Variants in SSBP3 observed in about 807,000 individuals in gnomAD.
SSBP3 encodes the protein single-stranded DNA-binding protein 3.
A neutral mutation model predicts 69.6 loss-of-function variants in SSBP3; 5 were observed. The ratio of observed to expected loss-of-function variants is 0.07; its 90% CI spans 0.04 to 0.15. The LOEUF is 0.15. Ranked by LOEUF, SSBP3 falls within the 10% of genes least tolerant of loss-of-function variation. SSBP3 has a pLI of 1.00. For missense variants in SSBP3, 312 were observed against 534.0 expected (o/e 0.58, Z 4.10); for synonymous variants, 196 against 193.4 (o/e 1.01, Z -0.11).
chr1:54,372,598 C>T lies in SSBP3; in HGVS notation c.276+29263G>A, dbSNP rs571817536. On this transcript the variant is annotated intron_variant, in intron 4 of 17. Coordinates refer to ENST00000610401, the Ensembl canonical transcript of SSBP3. ...CAATCCTGGCTCAAGTCTGCATCCC[C>T]CTAGTGCCATACCTGTGGCAGGATC... Among the ~76,000 whole-genome samples the T allele has an allele frequency of 2.0e-5, 3 of 152,196 alleles. No individual in the cohort carries two copies. The South Asian group carries it at 6.2e-4, about 31-fold the overall frequency.
At position 54,258,040 on chromosome 1, in the gene SSBP3, G is replaced by T. The variant is rs75395493; in HGVS notation, c.447+29C>A. ...TGCTTCCTCCGCGCCCCGCGTCCCC[G>T]GCGGGCGGGAGCGCCACGGTGCGTT... On this transcript the variant is annotated intron_variant, in intron 6 of 17. Coordinates refer to ENST00000610401, the Ensembl canonical transcript of SSBP3. This position sits in a 1 kb window ranked among gnomAD's most constrained non-coding sequence, Gnocchi z 4.5. 1.3e-6 allele frequency: 2 copies of T among 1,562,746 alleles called. No individual in the cohort carries two copies. The highest frequency in any genetic ancestry group is 1.7e-6 in the Non-Finnish European group (2 of 1,154,172).
chr1:54,240,718 G>A (rs1343247870), intron 13 of SSBP3, among the ~76,000 whole-genome samples, 187 bp downstream of exon 13: 1 of 152,088 alleles, frequency 6.6e-6, no homozygotes, highest in Non-Finnish European at 1.5e-5. Flanking sequence ...TTATGGAGCA[G>A]CATCAGAGGA....
upstream of SSBP3, among the ~76,000 whole-genome samples, chr1:54,407,166 G>A (rs1327555353): frequency 6.6e-6 from 1 of 152,098 alleles, no homozygotes; most frequent in African/African-American, 2.4e-5. Flanking sequence ...GGGGAGGGGG[G>A]CTGGGGACAG....
chr1:54,351,237 C>A (rs1471896309), intron 4 of SSBP3, among the ~76,000 whole-genome samples: 2 of 152,168 alleles, frequency 1.3e-5, no homozygotes, highest in Non-Finnish European at 2.9e-5. Context: ...AAAGTTAGCA[C>A]AAAGTTAGTC....
At chr1:54,338,844 T>C (rs1181268173) in intron 4 of SSBP3, among the ~76,000 whole-genome samples, 1 of 152,202 alleles carries the variant, frequency 6.6e-6, no homozygotes. Flanking sequence ...CCAGCTGCTG[T>C]GAGCCAACAG....
chr1:54,330,240 C>T (rs1646384085), intron 4 of SSBP3, among the ~76,000 whole-genome samples: 1 of 152,136 alleles, frequency 6.6e-6, no homozygotes, highest in Non-Finnish European at 1.5e-5. Flanking sequence ...ACGTGATTAC[C>T]ACCAGCAAGG....
chr1:54,388,406 C>T (rs6690450), intron 4 of SSBP3, among the ~76,000 whole-genome samples: 2 of 152,004 alleles, frequency 1.3e-5, no homozygotes, highest in Non-Finnish European at 2.9e-5. Flanking sequence ...AGAGTGTTAC[C>T]GGGATTAAAT....
chr1:54,268,804 C>T (rs564445681), intron 5 of SSBP3, among the ~76,000 whole-genome samples: 19 of 152,156 alleles, frequency 1.2e-4, no homozygotes, highest in Non-Finnish European at 2.1e-4. Flanking sequence ...TGTGGGAGGT[C>T]GGGCCCACAG....
intron 4 of SSBP3, among the ~76,000 whole-genome samples, chr1:54,286,017 G>T: frequency 6.6e-6 from 1 of 152,256 alleles, no homozygotes; most frequent in East Asian, 1.9e-4. Flanking sequence ...AGGGGAGCTA[G>T]GTCTGGAAAC....
At chr1:54,381,212 G>A (rs767339891) in intron 4 of SSBP3, among the ~76,000 whole-genome samples, 2 of 151,816 alleles carry the variant, frequency 1.3e-5, no homozygotes, top group Non-Finnish European at 2.9e-5. Context: ...GTGAAATTCC[G>A]TCTCTACTAA....
At chr1:54,354,491 G>A (rs1172608357) in intron 4 of SSBP3, among the ~76,000 whole-genome samples, 2 of 152,178 alleles carry the variant, frequency 1.3e-5, no homozygotes. Flanking sequence ...AGAGCCCCAG[G>A]AGGGTACACA....
chr1:54,257,937 A>G, intron 6 of SSBP3, 132 bp downstream of exon 6: 3 of 835,612 alleles, frequency 3.6e-6, no homozygotes, highest in Middle Eastern at 7.7e-4. Context: ...ATTTCTAAAA[A>G]AATTTAATTT....
At chr1:54,283,016 C>T (rs892278621) in intron 4 of SSBP3, among the ~76,000 whole-genome samples, 4 of 152,282 alleles carry the variant, frequency 2.6e-5, no homozygotes, top group Middle Eastern at 6.8e-3. Flanking sequence ...CCTGTAACCC[C>T]GACACTTTGG....
rs983279856 is a variant in SSBP3 at position 54,395,545 on chromosome 1, G to A, written c.276+6316C>T. 3.9e-5 allele frequency among the ~76,000 whole-genome samples: 6 copies of A among 152,324 alleles called. No individual in the cohort carries two copies. The East Asian group carries it at 9.6e-4, about 24-fold the overall frequency. On this transcript the variant is annotated intron_variant, in intron 4 of 17. Coordinates refer to ENST00000610401, the Ensembl canonical transcript of SSBP3. ...ACTGCCAGCTCTGCCCCTTGAGGGG[G>A]TGCAGGGGTGAGACATGACAGCAGG... is the stretch of plus-strand genomic sequence containing the variant.
chr1:54,252,098 G>A (rs1317211047), intron 7 of SSBP3, among the ~76,000 whole-genome samples: 4 of 152,154 alleles, frequency 2.6e-5, no homozygotes, highest in South Asian at 2.1e-4. Flanking sequence ...GGAAACCACC[G>A]CCTCATCCTG....
intron 4 of SSBP3, among the ~76,000 whole-genome samples, chr1:54,335,438 A>C (rs1646491569): frequency 6.6e-6 from 1 of 152,198 alleles, no homozygotes; most frequent in African/African-American, 2.4e-5. Context: ...ACCACCTTCC[A>C]GACTCTGGGC....
chr1:54,299,402 A>G (rs1343522582), intron 4 of SSBP3, among the ~76,000 whole-genome samples: 2 of 152,044 alleles, frequency 1.3e-5, no homozygotes, highest in East Asian at 1.9e-4. Flanking sequence ...CATTTTCACT[A>G]AAGGGGAAAC....
intron 13 of SSBP3, among the ~76,000 whole-genome samples, chr1:54,240,065 TGTGTGTGTGTGTGTGTGTGTGTGCGCGC>T (rs1364688925): frequency 1.3e-3 from 45 of 34,926 alleles, no homozygotes; most frequent in African/African-American, 2.6e-3. Flanking sequence ...TGTGTGTGTG[TGTGTGTGTGTGTGTGTGTGTGTGCGCGC>T]GCGCGCGTGT....
At chr1:54,365,445 C>A (rs1214887816) in intron 4 of SSBP3, among the ~76,000 whole-genome samples, 1 of 152,180 alleles carries the variant, frequency 6.6e-6, no homozygotes, top group Non-Finnish European at 1.5e-5. Flanking sequence ...AAAACATTGA[C>A]AGTAATACTC....
Sources: allele counts gnomAD v4.1 joint callset (sites outside exome capture counted in the v4.1 genomes callset), GRCh38; gene constraint gnomAD v4.1.1; non-coding constraint Gnocchi (gnomAD v3.1); transcripts MANE v1.5; gene names NCBI Gene and HGNC (gene_info 2026-07-23, HGNC 2026-07-21).